The following CHL1 variants were observed in gnomAD, a reference collection of about 807,000 sequenced individuals.
CHL1 encodes the protein cell adhesion molecule L1 like.
In CHL1, 96 loss-of-function variants were observed where a neutral mutation model predicts 141.9. That is an observed-to-expected ratio of 0.68 (90% CI 0.57 to 0.80). The LOEUF is 0.80. Ranked by LOEUF, CHL1 falls within the 30% of genes least tolerant of loss-of-function variation. CHL1 has a pLI of 0.00. For missense variants in CHL1, 1,820 were observed against 1,457.2 expected, an observed-to-expected ratio of 1.25 and a Z score of -4.05; for synonymous variants, 613 against 502.2, an observed-to-expected ratio of 1.22 and a Z score of -2.95.
intron 2 of CHL1, among the ~76,000 whole-genome samples, chr3:285,046 C>T (rs1168787340): frequency 6.6e-6 from 1 of 152,098 alleles, no homozygotes; most frequent in East Asian, 1.9e-4. Context: ...TAGGCTTATC[C>T]ACTGGAAATA....
intron 2 of CHL1, among the ~76,000 whole-genome samples, chr3:312,379 T>C (rs763774907): frequency 4.6e-5 from 7 of 152,202 alleles, no homozygotes; most frequent in African/African-American, 9.7e-5. Context: ...TAATGCACAG[T>C]GTTTCCTTTG....
rs1697958657 is a variant in CHL1 at position 294,080 on chromosome 3, A to G, written c.-94-25603A>G. ...ACACCTGTGTTCTAAGCACTTTGGG[A>G]GGCCGAGGCAGGCAGATCGGTTGAG... On this transcript the variant is annotated intron_variant, in intron 2 of 27. Coordinates refer to ENST00000256509, the MANE Select transcript of CHL1 (RefSeq NM_006614.4). Among the ~76,000 whole-genome samples the G allele has an allele frequency of 2.0e-5, 3 of 152,104 alleles. No homozygotes were observed. The South Asian group carries it at 6.2e-4, about 32-fold the overall frequency.
At chr3:358,789 GA>G in intron 11 of CHL1, among the ~76,000 whole-genome samples, 1 of 151,752 alleles carries the variant, frequency 6.6e-6, no homozygotes, top group East Asian at 1.9e-4. Flanking sequence ...ATGTTTTCTA[GA>G]ACCTAAAGCT....
rs191451500 is a variant in CHL1 at position 390,718 on chromosome 3, G to C, written c.2488G>C (p.Val830Leu). 1 of 1,594,386 alleles carries C rather than the reference G, an allele frequency of 6.3e-7. No individual in the cohort carries two copies. Among genetic ancestry groups the C allele is most frequent in the Admixed American group, 1.7e-5 (1 of 59,966 alleles). Reference sequence around the variant, plus strand: ...ATTAACAGATCCTGATACAGCTCCAGTGATCCATGGGGTGGACGTTATAAA... The same window carrying C: ...ATTAACAGATCCTGATACAGCTCCACTGATCCATGGGGTGGACGTTATAAA... Reference protein sequence around the residue: ...SGEDYPDTAPVIHGVDVINST... With the variant: ...SGEDYPDTAPLIHGVDVINST... The change falls in exon 21 of 28, where the codon GTG (valine) becomes CTG (leucine). Residue 830 changes from valine to leucine, a missense_variant. Transcript: ENST00000256509.
At position 305,020 on chromosome 3, in the gene CHL1, C is replaced by T. The variant is rs76013395; in HGVS notation, c.-94-14663C>T. 8.5e-4 allele frequency among the ~76,000 whole-genome samples: 130 copies of T among 152,090 alleles called. 1 individual carries two copies. In the South Asian group the frequency reaches 0.019, roughly 22 times the overall value. Reference sequence around the variant, plus strand: ...ATCTGGTCACGGATAAACTTTATTTCGTTTTTGACTGTCAGGCATGTTGAA... The same window carrying T: ...ATCTGGTCACGGATAAACTTTATTTTGTTTTTGACTGTCAGGCATGTTGAA... On this transcript the variant is annotated intron_variant, in intron 2 of 27. Transcript: ENST00000256509.
At chr3:365,215 G>T (rs4105569) in intron 14 of CHL1, among the ~76,000 whole-genome samples, 134,886 of 152,216 alleles carry the variant, frequency 0.89, 62,054 homozygotes, top group East Asian at 1. Flanking sequence ...ACTTTTAATA[G>T]GGCATTAAAG....
At chr3:328,430 T>C in intron 5 of CHL1, 76 bp downstream of exon 5, 1 of 1,240,158 alleles carries the variant, frequency 8.1e-7, no homozygotes, top group Non-Finnish European at 1.1e-6. Context: ...TGGGTTCCAA[T>C]GAAATAAAGC....
chr3:400,900 C>CTTT (rs71058770), intron 26 of CHL1, among the ~76,000 whole-genome samples: 37,279 of 112,330 alleles, frequency 0.33, 8,510 homozygotes, highest in Non-Finnish European at 0.44. Context: ...AAATGACTGC[C>CTTT]TTTTTTTTTT....
chr3:203,749 T>C (rs546360525), intron 1 of CHL1, among the ~76,000 whole-genome samples: 68 of 152,354 alleles, frequency 4.5e-4, no homozygotes, highest in African/African-American at 1.6e-3. Context: ...GCTCTGCTTC[T>C]ACCCCAAGAT....
chr3:391,735 C>A lies in CHL1; in HGVS notation c.2852C>A (p.Ser951Tyr). ...IKVDKDTATL[S>Y]WGLPKKLNGN... ...GTTGATAAAGACACTGCCACTTTATCTTGGGGACTACCTAAGAAATTAAAT... is the reference window on the plus strand; with the variant it reads ...GTTGATAAAGACACTGCCACTTTATATTGGGGACTACCTAAGAAATTAAAT... Residue 951 changes from serine (S) to tyrosine (Y), a missense_variant, in exon 23 of 28, where the codon TCT becomes TAT. Physicochemically the swap from Ser to Tyr is moderately radical, Grantham distance 144. Coordinates refer to ENST00000256509, the MANE Select transcript of CHL1 (RefSeq NM_006614.4). 6.2e-7 allele frequency: 1 copy of A among 1,604,038 alleles called. No individual in the cohort carries two copies. Among genetic ancestry groups the A allele is most frequent in the Non-Finnish European group, 8.5e-7 (1 of 1,172,710 alleles).
intron 2 of CHL1, chr3:248,680 AT>A (rs1693407920): frequency 6.6e-6 from 1 of 151,974 alleles, no homozygotes; most frequent in Non-Finnish European, 1.5e-5. Context: ...TTTTAAGTTA[AT>A]TTTTTCTTTC....
intron 1 of CHL1, among the ~76,000 whole-genome samples, chr3:228,184 G>A (rs1365158005): frequency 6.6e-6 from 1 of 152,126 alleles, no homozygotes; most frequent in Non-Finnish European, 1.5e-5. Context: ...AAAACAATAT[G>A]TTTTTTAAGG....
At chr3:399,402 G>A (rs1266214294) in intron 26 of CHL1, among the ~76,000 whole-genome samples, 2 of 152,168 alleles carry the variant, frequency 1.3e-5, no homozygotes, top group African/African-American at 2.4e-5. Flanking sequence ...AGCAGTTTGG[G>A]AGGCCGAGGT....
In CHL1 at chr3:314,337, A is replaced by C. The variant is rs1456069728; in HGVS notation, c.-94-5346A>C. Among the ~76,000 whole-genome samples, 52 of 55,000 alleles carry C rather than the reference A, an allele frequency of 9.5e-4. 2 individuals are homozygous for C. The highest frequency in any genetic ancestry group is 3.7e-3 in the African/African-American group (35 of 9,540). 36.1% of individuals were successfully genotyped at this position (55,000 alleles called of 152,430 possible). A position where few individuals can be genotyped will look rare whatever the true frequency, so the allele number is the denominator to read the frequency against. The stretch of plus-strand genomic sequence containing the variant: ...TCTCTCTCTCTCTATGTGTATATAT[A>C]TATATATATATATATATATATATAT... On this transcript the variant is annotated intron_variant, in intron 2 of 27. Transcript: ENST00000256509.
Position 391,746 on chromosome 3 carries a change from C to A in CHL1, c.2863C>A (p.Pro955Thr). The change falls in exon 23 of 28, where the codon CCT becomes ACT. Residue 955 changes from proline (P) to threonine (T), a missense_variant. Pro to Thr is a conservative substitution (Grantham distance 38). Transcript: ENST00000256509. Reference protein sequence around the residue: ...KDTATLSWGLPKKLNGNLTGY... With the variant: ...KDTATLSWGLTKKLNGNLTGY... The stretch of plus-strand genomic sequence containing the variant: ...CACTGCCACTTTATCTTGGGGACTA[C>A]CTAAGAAATTAAATGGAAACTTAAC... 2 of 1,600,260 alleles carry A rather than the reference C, an allele frequency of 1.2e-6. No individual in the cohort carries two copies. Among genetic ancestry groups the A allele is most frequent in the Non-Finnish European group, 1.7e-6 (2 of 1,171,052 alleles).
At chr3:392,996 G>T (rs925482166) in intron 23 of CHL1, among the ~76,000 whole-genome samples, 3 of 152,010 alleles carry the variant, frequency 2.0e-5, no homozygotes, top group African/African-American at 7.2e-5. Context: ...TTAAGTGGGA[G>T]GCCGAGGCTG....
At chr3:301,652 T>C (rs999022576) in intron 2 of CHL1, among the ~76,000 whole-genome samples, 11 of 152,204 alleles carry the variant, frequency 7.2e-5, no homozygotes, top group Admixed American at 7.2e-4. Context: ...AATCACTACT[T>C]CTAAAGAGAT....
intron 14 of CHL1, chr3:363,599 G>T: frequency 2.4e-6 from 1 of 413,918 alleles, no homozygotes; most frequent in Non-Finnish European, 4.3e-6. Flanking sequence ...ATTTTAAGAG[G>T]CAGCCAGGTG....
At chr3:389,619 T>C in intron 20 of CHL1, 145 bp downstream of exon 20, 1 of 643,970 alleles carries the variant, frequency 1.6e-6, no homozygotes, top group South Asian at 1.9e-5. Context: ...ATATAACACA[T>C]GACTTCTATC....
Sources: gnomAD v4.1 joint callset for allele counts (sites outside exome capture counted in the v4.1 genomes callset) on GRCh38, gnomAD v4.1.1 for gene constraint, MANE v1.5 for transcripts, NCBI Gene and HGNC (gene_info 2026-07-23, HGNC 2026-07-21) for gene names.